SPTBN1: variants seen among roughly 807,000 people sequenced by gnomAD.
SPTBN1 encodes the protein spectrin beta chain, non-erythrocytic 1.
A neutral mutation model predicts 266.4 loss-of-function variants in SPTBN1; 32 were observed. That is an observed-to-expected ratio of 0.12 (90% CI 0.09 to 0.16). The LOEUF is 0.16. Among genes scored for constraint, SPTBN1 ranks in the 10% least tolerant of loss-of-function variants. The probability of loss-of-function intolerance (pLI) is 1.00; values close to 1 mark genes in which losing one functional copy is unlikely to be tolerated. For missense variants in SPTBN1, 2,296 were observed against 3,067.1 expected, an observed-to-expected ratio of 0.75 and a Z score of 5.94; for synonymous variants, 1,336 against 1,162.2, an observed-to-expected ratio of 1.15 and a Z score of -3.04.
Position 54,666,407 on chromosome 2 carries a change from C to G in SPTBN1, c.6833+319C>G, listed in dbSNP as rs139136077. On this transcript the variant is annotated intron_variant, in intron 34 of 35. Coordinates refer to ENST00000356805, the MANE Select transcript of SPTBN1 (RefSeq NM_003128.3). Reference sequence around the variant, plus strand: ...GTCACATTTCACAGTTTAAGGGAGGCTTTGAAAAATAGTTTCCCCATCTTT... The same window carrying G: ...GTCACATTTCACAGTTTAAGGGAGGGTTTGAAAAATAGTTTCCCCATCTTT... 1.3e-3 allele frequency among the ~76,000 whole-genome samples: 204 copies of G among 152,322 alleles called. 4 individuals are homozygous for G. In the South Asian group the frequency reaches 0.037, roughly 28 times the overall value.
chr2:54,621,383 T>A lies in SPTBN1; in HGVS notation c.764-17T>A, dbSNP rs1189000959. The stretch of plus-strand genomic sequence containing the variant: ...GTAGCATGCAACACACTGAACAGAG[T>A]CTTCTCTGGGTTACAGACATCAGCG... On this transcript the variant is annotated splice_polypyrimidine_tract_variant and intron_variant, in intron 7 of 35. Transcript: ENST00000356805. 1.2e-6 allele frequency: 2 copies of A among 1,603,566 alleles called. No individual in the cohort carries two copies. The highest frequency in any genetic ancestry group is 1.7e-5 in the Admixed American group (1 of 59,902).
chr2:54,617,121 T>A (rs923341536), intron 5 of SPTBN1, among the ~76,000 whole-genome samples: 5 of 152,248 alleles, frequency 3.3e-5, no homozygotes, highest in African/African-American at 1.2e-4. Flanking sequence ...ACATAAATTT[T>A]TCAGGGAGGT....
intron 2 of SPTBN1, among the ~76,000 whole-genome samples, chr2:54,542,710 T>C (rs972880324): frequency 6.6e-6 from 1 of 152,054 alleles, no homozygotes. Flanking sequence ...GAAGCTGAGA[T>C]TGTGGCTGAG....
At chr2:54,633,076 C>T (rs1023454917) in intron 17 of SPTBN1, among the ~76,000 whole-genome samples, 1 of 152,154 alleles carries the variant, frequency 6.6e-6, no homozygotes, top group Non-Finnish European at 1.5e-5. Context: ...AAGCCATGCC[C>T]TTTGAGGATT....
chr2:54,604,151 C>T (rs553001951), intron 3 of SPTBN1, among the ~76,000 whole-genome samples: 3 of 152,270 alleles, frequency 2.0e-5, no homozygotes, highest in South Asian at 4.2e-4. Flanking sequence ...CTCTGCCCAG[C>T]ACCACAACCC....
chr2:54,615,531 T>C (rs1305171268), intron 4 of SPTBN1, among the ~76,000 whole-genome samples: 2 of 152,246 alleles, frequency 1.3e-5, no homozygotes, highest in Non-Finnish European at 2.9e-5. Context: ...CACTTTATTA[T>C]ATCATTTAAG....
chr2:54,467,604 C>G (rs573746964), intron 1 of SPTBN1, among the ~76,000 whole-genome samples: 2 of 152,140 alleles, frequency 1.3e-5, no homozygotes, highest in Non-Finnish European at 2.9e-5. Context: ...AGACTGGTCT[C>G]GAACTCCTGA....
At chr2:54,656,081 G>A in intron 29 of SPTBN1, 83 bp downstream of exon 29, 1 of 1,216,806 alleles carries the variant, frequency 8.2e-7, no homozygotes, top group Admixed American at 2.0e-5. Context: ...ATTCATTAAT[G>A]TTATCATTTA....
chr2:54,655,802 C>A (rs992105637), intron 28 of SPTBN1, 112 bp from the exon 29 acceptor site: 3 of 738,794 alleles, frequency 4.1e-6, no homozygotes, highest in Admixed American at 2.3e-5. Flanking sequence ...AGATATCTCC[C>A]AGCTTAATGG....
chr2:54,561,723 A>G (rs917950834), intron 2 of SPTBN1, among the ~76,000 whole-genome samples: 1 of 148,770 alleles, frequency 6.7e-6, no homozygotes, highest in Non-Finnish European at 1.5e-5. Context: ...ATAGTTATAT[A>G]TAAATATAAA....
In SPTBN1 at chr2:54,629,350, G is replaced by T. The variant is rs762626546; in HGVS notation, c.2216G>T (p.Arg739Leu). The T allele has an allele frequency of 6.2e-7, 1 of 1,613,922 alleles. No individual in the cohort carries two copies. Among genetic ancestry groups the T allele is most frequent in the African/African-American group, 1.3e-5 (1 of 74,934 alleles). Residue 739 changes from arginine (R) to leucine (L), a missense_variant, in exon 14 of 36, where the codon CGC becomes CTC. Arg to Leu is a moderately radical substitution (Grantham distance 102, BLOSUM62 -2). This residue lies in a region of SPTBN1 where 434 missense variants were observed against 573.9 expected (regional missense o/e 0.76). Transcript: ENST00000356805. ...CAGCTCTCGGCCATTCGGAAGAAGCGCCTGGAGGAGGCCTCCCTGCTGCAC... is the reference window on the plus strand; with the variant it reads ...CAGCTCTCGGCCATTCGGAAGAAGCTCCTGGAGGAGGCCTCCCTGCTGCAC... ...LEQLSAIRKK[R>L]LEEASLLHQF...
intron 10 of SPTBN1, among the ~76,000 whole-genome samples, chr2:54,624,344 G>T (rs552114484): frequency 4.6e-5 from 7 of 152,226 alleles, no homozygotes; most frequent in African/African-American, 1.7e-4. Context: ...TCCTAGGAAT[G>T]AATTTAATAT....
intron 11 of SPTBN1, among the ~76,000 whole-genome samples, chr2:54,625,499 C>T (rs1343394118): frequency 6.6e-6 from 1 of 151,232 alleles, no homozygotes; most frequent in Non-Finnish European, 1.5e-5. Context: ...GGCTTTAAGA[C>T]CACCAGGGAT....
At chr2:54,667,513 T>C in intron 34 of SPTBN1, 91 bp from the exon 35 acceptor site, 1 of 1,257,410 alleles carries the variant, frequency 8.0e-7, no homozygotes, top group East Asian at 2.4e-5. Context: ...ACTCCTGTGG[T>C]CTACTTCTGT....
intron 3 of SPTBN1, among the ~76,000 whole-genome samples, chr2:54,608,748 G>C (rs1030511013): frequency 6.6e-6 from 1 of 151,762 alleles, no homozygotes; most frequent in African/African-American, 2.4e-5. Context: ...CAAAGCAGGG[G>C]GTTTAGGGGC....
intron 1 of SPTBN1, among the ~76,000 whole-genome samples, chr2:54,501,618 A>G (rs1669273481): frequency 1.3e-5 from 2 of 152,200 alleles, no homozygotes; most frequent in African/African-American, 4.8e-5. Flanking sequence ...TGGATTCTGA[A>G]TTGGTCAGTT....
At chr2:54,602,202 G>C (rs573265848) in intron 3 of SPTBN1, among the ~76,000 whole-genome samples, 1 of 152,266 alleles carries the variant, frequency 6.6e-6, no homozygotes, top group African/African-American at 2.4e-5. Flanking sequence ...GGTCTCACTT[G>C]AAAAATGCCT....
At chr2:54,595,078 CCT>C (rs1410221405) in intron 2 of SPTBN1, among the ~76,000 whole-genome samples, 1 of 152,248 alleles carries the variant, frequency 6.6e-6, no homozygotes, top group African/African-American at 2.4e-5. Context: ...AGGAGATCCA[CCT>C]CTCAGCCTCC....
intron 8 of SPTBN1, among the ~76,000 whole-genome samples, 191 bp downstream of exon 8, chr2:54,621,703 A>G (rs566624438): frequency 2.4e-4 from 36 of 152,238 alleles, no homozygotes; most frequent in Non-Finnish European, 4.3e-4. Context: ...TATTTAGGAA[A>G]GGATCTGGGG....
Sources: allele counts gnomAD v4.1 joint callset (sites outside exome capture counted in the v4.1 genomes callset), GRCh38; gene constraint gnomAD v4.1.1; regional missense constraint gnomAD v4.1.1; transcripts MANE v1.5; gene names NCBI Gene and HGNC (gene_info 2026-07-23, HGNC 2026-07-21).